Variants in SARDH observed in about 807,000 individuals in gnomAD.
The protein encoded by SARDH is sarcosine dehydrogenase.
Under a neutral mutation model 109.1 loss-of-function variants are expected in SARDH, and 95 were observed. That is an observed-to-expected ratio of 0.87 (90% CI 0.74 to 1.03). SARDH has a LOEUF of 1.03. SARDH is among the 50% of genes least tolerant of loss of function. The probability of loss-of-function intolerance (pLI) is 0.00; values close to 1 mark genes in which losing one functional copy is unlikely to be tolerated. For missense variants in SARDH, 1,267 were observed against 1,287.8 expected (o/e 0.98, Z 0.25); for synonymous variants, 572 against 534.8 (o/e 1.07, Z -0.96).
intron 6 of SARDH, among the ~76,000 whole-genome samples, chr9:133,725,137 A>G (rs1386232731): frequency 7.9e-5 from 12 of 152,344 alleles, no homozygotes; most frequent in African/African-American, 2.9e-4. Context: ...GATTCCATTT[A>G]TACTAAACGT....
intron 8 of SARDH, among the ~76,000 whole-genome samples, chr9:133,715,151 C>G (rs910229283): frequency 1.2e-4 from 18 of 152,198 alleles, no homozygotes; most frequent in African/African-American, 4.1e-4. Context: ...GACTTCCCTG[C>G]TCTTTCCTGG....
intron 13 of SARDH, among the ~76,000 whole-genome samples, chr9:133,697,034 C>A (rs370713392): frequency 1.3e-4 from 20 of 152,104 alleles, no homozygotes; most frequent in East Asian, 7.7e-4. Flanking sequence ...TTGAAAAGAT[C>A]AACAAAATGG....
intron 20 of SARDH, among the ~76,000 whole-genome samples, chr9:133,665,546 G>A (rs945750229): frequency 5.9e-5 from 9 of 152,204 alleles, no homozygotes; most frequent in African/African-American, 2.2e-4. Context: ...GGCTCCAAGA[G>A]AGGATCCTTA....
chr9:133,669,334 G>GTCCTCCCTCTCCCTCA (rs1275397471), intron 19 of SARDH, among the ~76,000 whole-genome samples: 39 of 63,300 alleles, frequency 6.2e-4, no homozygotes, highest in Non-Finnish European at 7.8e-4. Context: ...CCTCTCCCTC[G>GTCCTCCCTCTCCCTCA]TCCTCCCTCT....
chr9:133,706,194 G>A (rs1353428268), intron 11 of SARDH, among the ~76,000 whole-genome samples: 1 of 152,190 alleles, frequency 6.6e-6, no homozygotes, highest in Non-Finnish European at 1.5e-5. Context: ...CCACTAACCA[G>A]GGGAGAGAAC....
At chr9:133,735,289 T>C (rs1299976342) in intron 1 of SARDH, among the ~76,000 whole-genome samples, 1 of 152,106 alleles carries the variant, frequency 6.6e-6, no homozygotes, top group Non-Finnish European at 1.5e-5. Flanking sequence ...CCACCTGGGA[T>C]TGCAGAGTAG....
At chr9:133,696,095 C>T (rs1831277300) in intron 14 of SARDH, 128 bp downstream of exon 14, 3 of 1,162,444 alleles carry the variant, frequency 2.6e-6, no homozygotes, top group Non-Finnish European at 3.7e-6. Context: ...AGCTCAAAGC[C>T]AGGTGAGGGC....
chr9:133,719,162 G>T, intron 6 of SARDH, 120 bp from the exon 7 acceptor site: 1 of 764,336 alleles, frequency 1.3e-6, no homozygotes, highest in Non-Finnish European at 2.2e-6. Context: ...GGTCCTTCTC[G>T]TTGTAGGACC....
At position 133,728,654 on chromosome 9, in the gene SARDH, G is replaced by C. The variant is rs1255702041; in HGVS notation, c.915+1111C>G. On this transcript the variant is annotated intron_variant, in intron 6 of 20. Transcript: ENST00000439388. This position sits in a 1 kb window ranked among gnomAD's most constrained non-coding sequence, Gnocchi z 5.0. Reference sequence around the variant, plus strand: ...TCTGGAATTGCACATGTACTTGTCTGTACCTCCCCCCAGCTCTACCCAGCA... The same window carrying C: ...TCTGGAATTGCACATGTACTTGTCTCTACCTCCCCCCAGCTCTACCCAGCA... Among the ~76,000 whole-genome samples the C allele has an allele frequency of 6.6e-6, 1 of 152,174 alleles. No individual in the cohort carries two copies. The highest frequency in any genetic ancestry group is 2.4e-5 in the African/African-American group (1 of 41,426).
At position 133,670,260 on chromosome 9, in the gene SARDH, C is replaced by T. The variant is rs577387763; in HGVS notation, c.2495+324G>A. ...AGGAGAATCACTTGAACCTGGGAGGCGGAGGTTGCAGTGAGCCGAGATTGC... is the reference window on the plus strand; with the variant it reads ...AGGAGAATCACTTGAACCTGGGAGGTGGAGGTTGCAGTGAGCCGAGATTGC... On this transcript the variant is annotated intron_variant, in intron 19 of 20. Transcript: ENST00000439388. 9.1e-5 allele frequency among the ~76,000 whole-genome samples: 13 copies of T among 143,312 alleles called. No homozygotes were observed. In the South Asian group the frequency reaches 1.1e-3, roughly 12 times the overall value. The allele number at this position is 143,312 out of a possible 152,430, so 94.0% of individuals were successfully genotyped here.
intron 20 of SARDH, among the ~76,000 whole-genome samples, chr9:133,664,395 G>A (rs553120802): frequency 6.8e-4 from 104 of 152,358 alleles, no homozygotes; most frequent in South Asian, 1.2e-3. Flanking sequence ...AATCCGGCTC[G>A]AATCCCTCGG....
chr9:133,717,578 G>C, intron 7 of SARDH, 123 bp from the exon 8 acceptor site: 1 of 1,389,966 alleles, frequency 7.2e-7, no homozygotes, highest in Non-Finnish European at 9.7e-7. Flanking sequence ...TTAGAGGGCT[G>C]GTGGTCACCC....
intron 16 of SARDH, among the ~76,000 whole-genome samples, chr9:133,688,669 C>T (rs7852702): frequency 0.019 from 2,908 of 152,340 alleles, 110 homozygotes; most frequent in African/African-American, 0.066. Flanking sequence ...CCTGCTCCAT[C>T]CCAGCCTCAA....
At chr9:133,710,148 A>G (rs1173260215) in intron 10 of SARDH, among the ~76,000 whole-genome samples, 2 of 152,232 alleles carry the variant, frequency 1.3e-5, no homozygotes, top group Non-Finnish European at 2.9e-5. Context: ...AGCCCAGCCC[A>G]CACTCTGGCT....
chr9:133,678,488 T>C (rs1361017860), intron 17 of SARDH, among the ~76,000 whole-genome samples: 1 of 152,180 alleles, frequency 6.6e-6, no homozygotes, highest in Non-Finnish European at 1.5e-5. Flanking sequence ...CCATGAGACC[T>C]AGAAATACAA....
At position 133,664,000 on chromosome 9, in the gene SARDH, A is replaced by G. The variant is rs771046280; in HGVS notation, c.2646T>C (p.Phe882=). ...CCAGGGCATAGTCCCCGCTCTTCACAAAGTCCAGCGAGACCTAGGAGCAGA... is the reference window on the plus strand; with the variant it reads ...CCAGGGCATAGTCCCCGCTCTTCACGAAGTCCAGCGAGACCTAGGAGCAGA... ...DPSGGPVSLD[F]VKSGDYALER... is the part of the protein sequence containing the mutation. Residue 882 remains phenylalanine (F), a synonymous_variant, in exon 21 of 21, where the codon TTT becomes TTC. Coordinates refer to ENST00000439388, the MANE Select transcript of SARDH (RefSeq NM_001134707.2). 6.8e-6 allele frequency: 11 copies of G among 1,614,120 alleles called. No homozygotes were observed. The East Asian group carries it at 8.9e-5, about 13-fold the overall frequency.
intron 17 of SARDH, among the ~76,000 whole-genome samples, chr9:133,675,723 G>C (rs892794735): frequency 6.6e-6 from 1 of 152,196 alleles, no homozygotes; most frequent in Non-Finnish European, 1.5e-5. Context: ...GATTCGAAGA[G>C]GTATTTGCAC....
At chr9:133,685,076 G>C in intron 17 of SARDH, 117 bp downstream of exon 17, 1 of 791,608 alleles carries the variant, frequency 1.3e-6, no homozygotes, top group Admixed American at 2.5e-5. Flanking sequence ...GTTGGGGACC[G>C]AGGCCCAGGG....
At chr9:133,715,295 C>G (rs1832077867) in intron 8 of SARDH, among the ~76,000 whole-genome samples, 1 of 152,152 alleles carries the variant, frequency 6.6e-6, no homozygotes, top group Admixed American at 6.5e-5. Context: ...GTGGGGAGTA[C>G]CGGCTCCCCA....
Sources: allele counts gnomAD v4.1 joint callset (sites outside exome capture counted in the v4.1 genomes callset), GRCh38; gene constraint gnomAD v4.1.1; non-coding constraint Gnocchi (gnomAD v3.1); transcripts MANE v1.5; gene names NCBI Gene and HGNC (gene_info 2026-07-23, HGNC 2026-07-21).